Variants in ZMYM2 observed in about 807,000 individuals in gnomAD.
ZMYM2 encodes zinc finger MYM-type protein 2.
ZMYM2 carries 56 observed loss-of-function variants against 162.8 expected under a neutral mutation model. The ratio of observed to expected loss-of-function variants is 0.34; its 90% CI spans 0.28 to 0.43. ZMYM2 has a LOEUF of 0.43. Ranked by LOEUF, ZMYM2 falls within the 20% of genes least tolerant of loss-of-function variation. ZMYM2 has a pLI of 1.00. For synonymous variants in ZMYM2, 510 were observed against 541.6 expected (o/e 0.94, Z 0.81); for missense variants, 1,275 against 1,621.8 (o/e 0.79, Z 3.67).
chr13:20,036,850 G>T lies in ZMYM2; in HGVS notation c.2233G>T (p.Val745Phe), dbSNP rs755847926. Reference sequence around the variant, plus strand: ...GGGAGCAACTAAAGAACTCGATGGTGTTGTGAGAGATTTCTGCAGTGAAGA... The same window carrying T: ...GGGAGCAACTAAAGAACTCGATGGTTTTGTGAGAGATTTCTGCAGTGAAGA... The part of the protein sequence containing the change: ...KKGATKELDG[V>F]VRDFCSEDCC... Residue 745 changes from valine to phenylalanine, a missense_variant, in exon 12 of 25, where the codon GTT becomes TTT. This residue lies in a region of ZMYM2 where 177 missense variants were observed against 228.0 expected (regional missense o/e 0.78). Coordinates refer to ENST00000610343, the MANE Select transcript of ZMYM2 (RefSeq NM_197968.4). The T allele has an allele frequency of 6.2e-7, 1 of 1,610,600 alleles. No individual in the cohort carries two copies. The highest frequency in any genetic ancestry group is 8.5e-7 in the Non-Finnish European group (1 of 1,178,316).
the ZMYM2 span, among the ~76,000 whole-genome samples, chr13:19,943,379 T>G: frequency 6.6e-6 from 1 of 152,188 alleles, no homozygotes; most frequent in Admixed American, 6.5e-5. Context: ...TCAACATGTA[T>G]TTTTGGGGGT....
the ZMYM2 span, among the ~76,000 whole-genome samples, chr13:19,919,733 A>C: frequency 1.3e-5 from 2 of 150,246 alleles, no homozygotes; most frequent in Non-Finnish European, 3.0e-5. Context: ...GCTGAAGTGC[A>C]ATGGTGCGAT....
intron 3 of ZMYM2, among the ~76,000 whole-genome samples, chr13:19,996,974 T>C (rs1950063714): frequency 6.6e-6 from 1 of 152,172 alleles, no homozygotes; most frequent in Non-Finnish European, 1.5e-5. Context: ...TTGGAGACTG[T>C]AGTGCTCTGT....
In ZMYM2 at chr13:20,010,635, C is replaced by T. The variant is rs202135125; in HGVS notation, c.1512+4049C>T. Among the ~76,000 whole-genome samples the T allele has an allele frequency of 8.6e-5, 13 of 150,830 alleles. No homozygotes were observed. The Middle Eastern group carries it at 0.01, about 121-fold the overall frequency. On this transcript the variant is annotated intron_variant, in intron 6 of 24. Coordinates refer to ENST00000610343, the MANE Select transcript of ZMYM2 (RefSeq NM_197968.4). ...TTTTCTCTTTTTGTTTTTTGTTTGTCTGTTTGTTTGTTTGTTTGTTTTTGA... is the reference window on the plus strand; with the variant it reads ...TTTTCTCTTTTTGTTTTTTGTTTGTTTGTTTGTTTGTTTGTTTGTTTTTGA...
At chr13:20,041,042 G>A (rs897233318) in intron 12 of ZMYM2, among the ~76,000 whole-genome samples, 1 of 152,178 alleles carries the variant, frequency 6.6e-6, no homozygotes, top group African/African-American at 2.4e-5. Context: ...AATTTTAAGA[G>A]TATGTGCCAT....
At chr13:19,958,483 G>A (rs59598720), upstream of ZMYM2, among the ~76,000 whole-genome samples, 2 of 152,096 alleles carry the variant, frequency 1.3e-5, no homozygotes, top group African/African-American at 4.8e-5. Context: ...GGGACCGGCG[G>A]GGAGGGGACC....
chr13:19,978,994 T>G (rs181922978), intron 2 of ZMYM2, among the ~76,000 whole-genome samples: 3 of 152,030 alleles, frequency 2.0e-5, no homozygotes, highest in East Asian at 3.9e-4. Flanking sequence ...TTTGGAGGGA[T>G]GTTTTGCTGC....
At chr13:20,019,980 A>C (rs9579765) in intron 7 of ZMYM2, 16,541 of 171,052 alleles carry the variant, frequency 0.097, 1,365 homozygotes, top group African/African-American at 0.22. Context: ...CTTTCAAAAA[A>C]ATTTCTAAGT....
chr13:19,872,867 T>G, the ZMYM2 span, among the ~76,000 whole-genome samples: 1 of 151,738 alleles, frequency 6.6e-6, no homozygotes, highest in Non-Finnish European at 1.5e-5. Flanking sequence ...GGCATGGTGG[T>G]GCATGCCTGG....
chr13:19,962,863 C>A (rs559255723), intron 2 of ZMYM2, among the ~76,000 whole-genome samples: 1 of 129,870 alleles, frequency 7.7e-6, no homozygotes, highest in Non-Finnish European at 1.6e-5. Flanking sequence ...TCTCTGTCAT[C>A]CAGGCTGGAG....
the ZMYM2 span, among the ~76,000 whole-genome samples, chr13:19,894,099 G>T: frequency 6.6e-6 from 1 of 151,422 alleles, no homozygotes; most frequent in Non-Finnish European, 1.5e-5. Flanking sequence ...CATTAGGATG[G>T]AACACACATA....
chr13:19,958,254 TG>T (rs1009953338), upstream of ZMYM2, among the ~76,000 whole-genome samples: 1 of 151,984 alleles, frequency 6.6e-6, no homozygotes, highest in Non-Finnish European at 1.5e-5. Flanking sequence ...GGGAGGGCGT[TG>T]GGGCATCGAG....
chr13:19,971,090 A>C (rs938223621), intron 2 of ZMYM2, among the ~76,000 whole-genome samples: 1 of 151,708 alleles, frequency 6.6e-6, no homozygotes, highest in African/African-American at 2.4e-5. Context: ...AAGTGAACCT[A>C]GATTGTAGGT....
the ZMYM2 span, among the ~76,000 whole-genome samples, chr13:19,867,894 G>A: frequency 6.6e-6 from 1 of 152,326 alleles, no homozygotes; most frequent in African/African-American, 2.4e-5. Context: ...CCAGAGTACT[G>A]GGATTACAGG....
the ZMYM2 span, among the ~76,000 whole-genome samples, chr13:19,928,684 C>T: frequency 4.6e-5 from 7 of 151,956 alleles, no homozygotes; most frequent in Admixed American, 1.3e-4. Context: ...GTAGTCCTAG[C>T]TACTTGGGAG....
chr13:19,915,256 CAGGCTTTTAAAAAAATTTTAAAAGAGAT>C, the ZMYM2 span, among the ~76,000 whole-genome samples: 1 of 151,342 alleles, frequency 6.6e-6, no homozygotes, highest in Non-Finnish European at 1.5e-5. Flanking sequence ...CCACCATGCC[CAGGCTTTTAAAAAAATTTTAAAAGAGAT>C]AGATCTCACT....
chr13:19,896,875 C>A, the ZMYM2 span, among the ~76,000 whole-genome samples: 1 of 150,252 alleles, frequency 6.7e-6, no homozygotes, highest in South Asian at 2.1e-4. Context: ...GAGTTCGAGA[C>A]CAGCCTGACC....
chr13:20,007,620 G>GTAT (rs536327334), intron 6 of ZMYM2, among the ~76,000 whole-genome samples: 1 of 135,056 alleles, frequency 7.4e-6, no homozygotes, highest in East Asian at 2.1e-4. Flanking sequence ...TCCCTCTTTA[G>GTAT]TTTTTTTTTT....
intron 12 of ZMYM2, among the ~76,000 whole-genome samples, chr13:20,037,213 A>ATTTTTTTTT (rs754909177): frequency 5.5e-5 from 5 of 90,382 alleles, no homozygotes; most frequent in Non-Finnish European, 8.3e-5. Flanking sequence ...ACTAAGTAGA[A>ATTTTTTTTT]TTTTTTTTTT....
Sources: gnomAD v4.1 joint callset for allele counts (sites outside exome capture counted in the v4.1 genomes callset) on GRCh38, gnomAD v4.1.1 for gene constraint, gnomAD v4.1.1 regional missense constraint, MANE v1.5 for transcripts, NCBI Gene and HGNC (gene_info 2026-07-23, HGNC 2026-07-21) for gene names.